The following NELL1 variants were observed in gnomAD, a reference collection of about 807,000 sequenced individuals.
The protein encoded by NELL1 is protein kinase C-binding protein NELL1.
In NELL1, 76 loss-of-function variants were observed where a neutral mutation model predicts 107.4. The observed-to-expected ratio is 0.71, with a 90% CI of 0.59 to 0.86. The LOEUF (loss-of-function observed/expected upper bound fraction) is 0.86, where lower values mean the gene tolerates loss of function less well. Ranked by LOEUF, NELL1 falls within the 40% of genes least tolerant of loss-of-function variation. The pLI is 0.00. For missense variants in NELL1, 1,024 were observed against 1,005.5 expected, an observed-to-expected ratio of 1.02 and a Z score of -0.25; for synonymous variants, 353 against 341.2, an observed-to-expected ratio of 1.03 and a Z score of -0.38.
intron 15 of NELL1, among the ~76,000 whole-genome samples, chr11:21,383,112 A>C (rs1321691016): frequency 1.3e-5 from 2 of 152,010 alleles, no homozygotes; most frequent in Non-Finnish European, 2.9e-5. Context: ...TGTAACTCTT[A>C]TGATTTGCAT....
intron 2 of NELL1, among the ~76,000 whole-genome samples, chr11:20,704,648 G>T (rs1415308474): frequency 1.3e-5 from 2 of 152,120 alleles, no homozygotes; most frequent in Non-Finnish European, 2.9e-5. Flanking sequence ...GGTACCAGTT[G>T]TTCCTTTCCA....
At chr11:21,356,258 C>G (rs1235455569) in intron 14 of NELL1, among the ~76,000 whole-genome samples, 1 of 152,094 alleles carries the variant, frequency 6.6e-6, no homozygotes, top group Non-Finnish European at 1.5e-5. Flanking sequence ...ACTACTTGAG[C>G]CCTGGTTCTG....
intron 14 of NELL1, among the ~76,000 whole-genome samples, chr11:21,349,712 T>G (rs1850760670): frequency 6.6e-6 from 1 of 152,130 alleles, no homozygotes; most frequent in African/African-American, 2.4e-5. Context: ...TTTATATCTT[T>G]GCTGCTTGTG....
chr11:21,032,716 C>T (rs1308954022), intron 12 of NELL1, among the ~76,000 whole-genome samples: 1 of 152,116 alleles, frequency 6.6e-6, no homozygotes, highest in Non-Finnish European at 1.5e-5. Flanking sequence ...CCAAACATCT[C>T]TTTGTCTTTC....
chr11:21,552,384 G>T (rs1272173457), intron 16 of NELL1, among the ~76,000 whole-genome samples: 1 of 151,742 alleles, frequency 6.6e-6, no homozygotes, highest in Non-Finnish European at 1.5e-5. Context: ...GCTCAGAGGA[G>T]TCTGACTAGT....
At chr11:20,944,141 T>G (rs1261972657) in intron 10 of NELL1, among the ~76,000 whole-genome samples, 2 of 152,326 alleles carry the variant, frequency 1.3e-5, no homozygotes, top group South Asian at 2.1e-4. Context: ...GTATTATCCT[T>G]GGGAGGACTA....
intron 3 of NELL1, among the ~76,000 whole-genome samples, chr11:20,792,706 A>G (rs1309814875): frequency 1.3e-5 from 2 of 152,106 alleles, no homozygotes; most frequent in Non-Finnish European, 2.9e-5. Context: ...TCCTTGAATA[A>G]ACTTACATTA....
At chr11:20,979,041 A>G (rs982317285) in intron 12 of NELL1, among the ~76,000 whole-genome samples, 2 of 152,160 alleles carry the variant, frequency 1.3e-5, no homozygotes, top group African/African-American at 4.8e-5. Context: ...AAAGGGTTTA[A>G]ATTAAAGGAT....
intron 5 of NELL1, among the ~76,000 whole-genome samples, chr11:20,906,863 A>G (rs528442459): frequency 6.6e-6 from 1 of 152,188 alleles, no homozygotes; most frequent in East Asian, 1.9e-4. Flanking sequence ...AAAGGGCATT[A>G]ATGAAAAACT....
chr11:21,545,648 A>G (rs759587287), intron 16 of NELL1, among the ~76,000 whole-genome samples: 6 of 140,776 alleles, frequency 4.3e-5, no homozygotes, highest in African/African-American at 7.4e-5. Context: ...ATTGTTCTTC[A>G]TAAGTTTTAA....
chr11:21,552,411 G>A (rs980204182), intron 16 of NELL1, among the ~76,000 whole-genome samples: 3 of 151,656 alleles, frequency 2.0e-5, no homozygotes, highest in African/African-American at 7.3e-5. Flanking sequence ...TCATGGATAG[G>A]ATCTTTGTTA....
chr11:21,420,001 G>A (rs923254634), intron 15 of NELL1, among the ~76,000 whole-genome samples: 1 of 151,948 alleles, frequency 6.6e-6, no homozygotes, highest in African/African-American at 2.4e-5. Context: ...CTGCCTCTGT[G>A]TTCCCATATT....
At position 20,777,320 on chromosome 11, in the gene NELL1, C is replaced by T. The variant is rs545547736; in HGVS notation, c.185-6360C>T. Among the ~76,000 whole-genome samples, 41 of 152,366 alleles carry T rather than the reference C, an allele frequency of 2.7e-4. 1 individual carries two copies. Among genetic ancestry groups the T allele is most frequent in the African/African-American group, 8.4e-4 (35 of 41,592 alleles). ...CAGGGCATTAGCCCTGCCCTTGGCA[C>T]AGTAATAAGATATACAGGTTTGATT... is the stretch of plus-strand genomic sequence containing the variant. On this transcript the variant is annotated intron_variant, in intron 2 of 19. Coordinates refer to ENST00000357134, the MANE Select transcript of NELL1 (RefSeq NM_006157.5).
intron 15 of NELL1, among the ~76,000 whole-genome samples, chr11:21,406,875 T>C (rs1852249940): frequency 6.6e-6 from 1 of 152,056 alleles, no homozygotes; most frequent in Non-Finnish European, 1.5e-5. Context: ...CAGTAAATTA[T>C]TGTTAACTAT....
At chr11:20,796,854 G>T (rs1385677422) in intron 3 of NELL1, among the ~76,000 whole-genome samples, 1 of 152,072 alleles carries the variant, frequency 6.6e-6, no homozygotes, top group African/African-American at 2.4e-5. Flanking sequence ...AAAGGAGTCA[G>T]AAATTCTTTC....
chr11:20,953,991 T>C (rs1851118663), intron 11 of NELL1, among the ~76,000 whole-genome samples: 1 of 152,196 alleles, frequency 6.6e-6, no homozygotes, highest in South Asian at 2.1e-4. Context: ...TAAAATTTGC[T>C]GTTCTTAGGA....
Position 21,536,075 on chromosome 11 carries a change from A to T in NELL1, c.1786+1561A>T, listed in dbSNP as rs538990233. Among the ~76,000 whole-genome samples the T allele has an allele frequency of 2.0e-5, 3 of 152,320 alleles. No individual in the cohort carries two copies. In the South Asian group the frequency reaches 6.2e-4, roughly 32 times the overall value. On this transcript the variant is annotated intron_variant, in intron 16 of 19. Transcript: ENST00000357134. ...GATTTTTTAGTGCACAAAGGACCTT[A>T]GAGACCAGCTAGTTAAGCCAATTTT...
chr11:21,046,883 C>CTT (rs764153542), intron 12 of NELL1, among the ~76,000 whole-genome samples: 5 of 141,242 alleles, frequency 3.5e-5, no homozygotes, highest in African/African-American at 1.3e-4. Flanking sequence ...AATTTTTAAA[C>CTT]TTTTTTTTTT....
intron 16 of NELL1, among the ~76,000 whole-genome samples, chr11:21,551,551 G>A (rs1856584576): frequency 6.6e-6 from 1 of 151,440 alleles, no homozygotes; most frequent in South Asian, 2.1e-4. Flanking sequence ...CACCATCACT[G>A]GCCATCAGAG....
Sources: allele counts gnomAD v4.1 joint callset (sites outside exome capture counted in the v4.1 genomes callset), GRCh38; gene constraint gnomAD v4.1.1; transcripts MANE v1.5; gene names NCBI Gene and HGNC (gene_info 2026-07-23, HGNC 2026-07-21).